The following COL4A5 variants were observed in gnomAD, a reference collection of about 807,000 sequenced individuals.
COL4A5 encodes collagen type IV alpha 5 chain.
COL4A5 carries 26 observed loss-of-function variants against 130.2 expected under a neutral mutation model. That is an observed-to-expected ratio of 0.20 (90% CI 0.15 to 0.28). The LOEUF is 0.28. Among genes scored for constraint, COL4A5 ranks in the 10% least tolerant of loss-of-function variants. The pLI is 1.00. For synonymous variants in COL4A5, 496 were observed against 439.6 expected (o/e 1.13, Z -1.60); for missense variants, 1,131 against 1,344.3 (o/e 0.84, Z 2.48).
intron 21 of COL4A5, 49 bp downstream of exon 21, chrX:108,591,693 A>T: frequency 9.8e-7 from 1 of 1,016,915 alleles, no homozygotes; most frequent in East Asian, 3.0e-5. Context: ...ATTCTTTCAA[A>T]TCATCAGCAA....
At chrX:108,625,927 T>G in intron 35 of COL4A5, 133 bp downstream of exon 35, 1 of 520,336 alleles carries the variant, frequency 1.9e-6, no homozygotes, top group Non-Finnish European at 3.3e-6. Flanking sequence ...CAGTGGGTAG[T>G]GTTCTCTTGT....
intron 2 of COL4A5, among the ~76,000 whole-genome samples, chrX:108,550,423 T>C (rs749821555): frequency 1.8e-5 from 2 of 112,184 alleles, no homozygotes; most frequent in South Asian, 7.3e-4. Flanking sequence ...AAACAAAATT[T>C]AGAGCATAAA....
Position 108,466,996 on chromosome X carries a change from A to C in COL4A5, c.81+26790A>C, listed in dbSNP as rs750019323. Reference sequence around the variant, plus strand: ...AGGTTGTTTTTTTCACTTTTGTGATAATGTGCTTTAATGCAGAAACATTTT... The same window carrying C: ...AGGTTGTTTTTTTCACTTTTGTGATCATGTGCTTTAATGCAGAAACATTTT... On this transcript the variant is annotated intron_variant, in intron 1 of 52. Coordinates refer to ENST00000328300, the MANE Select transcript of COL4A5 (RefSeq NM_033380.3). Among the ~76,000 whole-genome samples, 5 of 112,049 alleles carry C rather than the reference A, an allele frequency of 4.5e-5. No homozygotes were observed. In the East Asian group the frequency reaches 1.4e-3, roughly 31 times the overall value.
rs191429048 is a variant in COL4A5 at position 108,688,458 on chromosome X, C to T, written c.4528+764C>T. 4.2e-3 allele frequency among the ~76,000 whole-genome samples: 459 copies of T among 108,008 alleles called. 4 individuals carry two copies. The highest frequency in any genetic ancestry group is 0.014 in the African/African-American group (415 of 29,654). 93.8% of individuals were successfully genotyped at this position (108,008 alleles called of 115,157 possible). ...TGTTGTGTTGTTTTTTTTTTTGATA[C>T]GGAGCCTCGCTCTGTCGCCCAGGCT... On this transcript the variant is annotated intron_variant, in intron 49 of 52. Coordinates refer to ENST00000328300, the MANE Select transcript of COL4A5 (RefSeq NM_033380.3).
rs763882494 is a variant in COL4A5, at chrX:108,606,860, G to T, written c.2363G>T (p.Arg788Leu). 2.5e-6 allele frequency: 3 copies of T among 1,211,161 alleles called. No homozygotes were observed. The highest frequency in any genetic ancestry group is 3.4e-6 in the Non-Finnish European group (3 of 895,075). The part of the protein sequence containing the change: ...GFPGPPGPPG[R>L]TGLDGLPGPK... ...CCAGGACCTCCGGGTCCTCCAGGAC[G>T]CACTGGCTTAGATGGGCTCCCTGGA... The change falls in exon 29 of 53, where the codon CGC (arginine) becomes CTC (leucine). Residue 788 changes from arginine (R) to leucine (L), a missense_variant. Physicochemically the swap from Arg to Leu is moderately radical, Grantham distance 102. Coordinates refer to ENST00000328300, the MANE Select transcript of COL4A5 (RefSeq NM_033380.3).
intron 1 of COL4A5, chrX:108,442,812 A>G (rs2064415311): frequency 9.0e-6 from 1 of 111,716 alleles, no homozygotes. Context: ...CACTGTGCTA[A>G]TATGATAATA....
chrX:108,578,198 C>G, intron 12 of COL4A5, 79 bp downstream of exon 12: 1 of 1,133,696 alleles, frequency 8.8e-7, no homozygotes. Flanking sequence ...TTTTCTTTCT[C>G]TTGCTTCTTG....
At chrX:108,475,019 A>C (rs748449059) in intron 1 of COL4A5, among the ~76,000 whole-genome samples, 2 of 111,489 alleles carry the variant, frequency 1.8e-5, no homozygotes, top group East Asian at 2.8e-4. Flanking sequence ...ATATATTGAC[A>C]TCTGGTAGTG....
intron 33 of COL4A5, among the ~76,000 whole-genome samples, chrX:108,623,051 C>A (rs1026794690): frequency 8.9e-6 from 1 of 111,875 alleles, no homozygotes; most frequent in Non-Finnish European, 1.9e-5. Context: ...TTTACCTAAC[C>A]ACTAGTGAGG....
chrX:108,546,503 T>C (rs1431971419), intron 2 of COL4A5, among the ~76,000 whole-genome samples: 5 of 110,166 alleles, frequency 4.5e-5, no homozygotes, highest in African/African-American at 6.6e-5. Flanking sequence ...GGCTTCCCTT[T>C]GTGGGTAACC....
At chrX:108,676,063 C>T (rs1272135706) in intron 43 of COL4A5, among the ~76,000 whole-genome samples, 2 of 111,681 alleles carry the variant, frequency 1.8e-5, no homozygotes, top group Admixed American at 1.9e-4. Context: ...TGTCATTCTG[C>T]CTTGTTAGTA....
chrX:108,580,770 A>G, intron 15 of COL4A5, 32 bp downstream of exon 15: 1 of 1,152,067 alleles, frequency 8.7e-7, no homozygotes, highest in South Asian at 1.8e-5. Flanking sequence ...ATTCTTTGCA[A>G]AAAAATTCTA....
chrX:108,587,014 T>G (rs1369695518), intron 19 of COL4A5, among the ~76,000 whole-genome samples: 1 of 111,769 alleles, frequency 8.9e-6, no homozygotes, highest in Non-Finnish European at 1.9e-5. Context: ...TACATATTTA[T>G]GGGATACATG....
Position 108,621,820 on chromosome X carries a change from G to T in COL4A5, c.2695G>T (p.Gly899Cys). The change falls in exon 32 of 53, where the codon GGT becomes TGT. Residue 899 changes from glycine (G) to cysteine (C), a missense_variant. Transcript: ENST00000328300. ...CTTCAAAGGTACCAAAGGTGAAATG[G>T]GTATGATGGGACCTCCAGGCCCACC... is the stretch of plus-strand genomic sequence containing the variant. ...SGFPGTKGEM[G>C]MMGPPGPPGP... 1 of 1,206,821 alleles carries T rather than the reference G, an allele frequency of 8.3e-7. No individual in the cohort carries two copies. Among genetic ancestry groups the T allele is most frequent in the Non-Finnish European group, 1.1e-6 (1 of 891,241 alleles).
intron 2 of COL4A5, 91 bp downstream of exon 2, chrX:108,539,896 C>A: frequency 1.4e-6 from 1 of 705,903 alleles, no homozygotes; most frequent in Non-Finnish European, 2.2e-6. Context: ...GCTTCTATCT[C>A]AGTACTTAAG....
rs1249550141 is a variant in COL4A5 at position 108,578,063 on chromosome X, A to G, written c.646-15A>G. ...ACTGTCAGTGAGATTTTTAAATGGA[A>G]ACTTCTCTCTCCAGGGGAATATGGG... On this transcript the variant is annotated splice_polypyrimidine_tract_variant and intron_variant, in intron 11 of 52. Transcript: ENST00000328300. 1 of 1,207,178 alleles carries G rather than the reference A, an allele frequency of 8.3e-7. No homozygotes were observed. The highest frequency in any genetic ancestry group is 1.8e-5 in the African/African-American group (1 of 56,924).
At chrX:108,515,846 TAAA>T (rs1012981775) in intron 1 of COL4A5, among the ~76,000 whole-genome samples, 9 of 111,617 alleles carry the variant, frequency 8.1e-5, no homozygotes, top group African/African-American at 2.9e-4. Flanking sequence ...TGTTTGATAA[TAAA>T]AAACATTATT....
chrX:108,577,265 G>A (rs1370507765), intron 10 of COL4A5, among the ~76,000 whole-genome samples: 5 of 106,873 alleles, frequency 4.7e-5, no homozygotes, highest in Non-Finnish European at 7.7e-5. Context: ...CCAGCTACTC[G>A]GGAGGCTGAG....
At chrX:108,528,520 C>G (rs1425135949) in intron 1 of COL4A5, among the ~76,000 whole-genome samples, 1 of 112,284 alleles carries the variant, frequency 8.9e-6, no homozygotes, top group African/African-American at 3.2e-5. Context: ...AACAATAGAT[C>G]TTAATCAAAA....
Sources: gnomAD v4.1 joint callset for allele counts (sites outside exome capture counted in the v4.1 genomes callset) on GRCh38, gnomAD v4.1.1 for gene constraint, MANE v1.5 for transcripts, NCBI Gene and HGNC (gene_info 2026-07-23, HGNC 2026-07-21) for gene names.